Variants in PARP1 observed in about 807,000 individuals in gnomAD.
PARP1 encodes poly [ADP-ribose] polymerase 1.
A neutral mutation model predicts 118.7 loss-of-function variants in PARP1; 44 were observed. The ratio of observed to expected loss-of-function variants is 0.37; its 90% CI spans 0.29 to 0.48. The LOEUF is 0.48. PARP1 is among the 20% of genes least tolerant of loss of function. The pLI, the probability that PARP1 is intolerant of heterozygous loss-of-function variation, is 0.99. For missense variants in PARP1, 1,100 were observed against 1,272.4 expected, an observed-to-expected ratio of 0.86 and a Z score of 2.06; for synonymous variants, 492 against 483.2, an observed-to-expected ratio of 1.02 and a Z score of -0.24.
rs758597547 is a variant in PARP1, at chr1:226,361,535, A to G, written c.2970T>C (p.Ile990=). 8.1e-6 allele frequency: 13 copies of G among 1,609,242 alleles called. No individual in the cohort carries two copies. The highest frequency in any genetic ancestry group is 1.1e-5 in the Non-Finnish European group (13 of 1,175,680). Residue 990 remains isoleucine, a synonymous_variant, in exon 23 of 23, where the codon ATT becomes ATC. Coordinates refer to ENST00000366794, the MANE Select transcript of PARP1 (RefSeq NM_001618.4). ...NDTSLLYNEY[I]VYDIAQVNLK... is the part of the protein sequence containing the mutation. ...GATTTACCTGAGCAATATCATAGAC[A>G]ATGTACCTGAGGGGAAGCTTGTTAA...
At chr1:226,374,465 C>A in intron 13 of PARP1, 111 bp from the exon 14 acceptor site, 1 of 1,261,706 alleles carries the variant, frequency 7.9e-7, no homozygotes, top group African/African-American at 1.5e-5. Context: ...GTGCCACCAG[C>A]AAAAAAAGCT....
intron 21 of PARP1, 125 bp from the exon 22 acceptor site, chr1:226,362,208 G>A (rs1465475443): frequency 6.0e-6 from 4 of 667,750 alleles, no homozygotes; most frequent in African/African-American, 3.7e-5. Flanking sequence ...TCCTTTTTGA[G>A]ATGGAGTCTC....
chr1:226,390,546 C>G lies in PARP1; in HGVS notation c.481G>C (p.Gly161Arg). 1 of 1,614,248 alleles carries G rather than the reference C, an allele frequency of 6.2e-7. No homozygotes were observed. Among genetic ancestry groups the G allele is most frequent in the Non-Finnish European group, 8.5e-7 (1 of 1,180,052 alleles). The change falls in exon 4 of 23, where the codon GGC becomes CGC. Residue 161 changes from glycine to arginine, a missense_variant. Coordinates refer to ENST00000366794, the MANE Select transcript of PARP1 (RefSeq NM_001618.4). ...TCCTCCCTGTTCTTGACAAAGCAGC[C>G]TGGATGGTACCAGCGGTCAATCATG... The part of the protein sequence containing the change: ...LGMIDRWYHP[G>R]CFVKNREELG...
At chr1:226,374,455 G>A in intron 13 of PARP1, 101 bp from the exon 14 acceptor site, 4 of 1,402,932 alleles carry the variant, frequency 2.9e-6, no homozygotes, top group Non-Finnish European at 3.0e-6. Context: ...ACAGGCTAGA[G>A]TGCCACCAGC....
chr1:226,370,766 C>T, intron 14 of PARP1: 1 of 555,086 alleles, frequency 1.8e-6, no homozygotes, highest in Non-Finnish European at 3.3e-6. Context: ...TCTCCTCTGC[C>T]CCTATGCCCA....
chr1:226,361,240 AAAAACAACCCC>A lies in PARP1; in HGVS notation c.*209_*219del, dbSNP rs1664129091. The stretch of plus-strand genomic sequence containing the variant: ...TTTTATCTACCTGGCAAGAAAAAAC[AAAAACAACCCC>A]AAAACAACCCCTCCCCACAGACACA... On this transcript the variant is annotated 3_prime_UTR_variant, in exon 23 of 23. Coordinates refer to ENST00000366794, the MANE Select transcript of PARP1 (RefSeq NM_001618.4). 5.0e-6 allele frequency: 3 copies of A among 601,756 alleles called. No homozygotes were observed. Among genetic ancestry groups the A allele is most frequent in the South Asian group, 2.0e-5 (1 of 50,228 alleles). 37.3% of individuals were successfully genotyped at this position (601,756 alleles called of 1,614,324 possible). A position where few individuals can be genotyped will look rare whatever the true frequency, so the allele number is the denominator to read the frequency against.
At chr1:226,400,619 G>A (rs567714951) in intron 2 of PARP1, among the ~76,000 whole-genome samples, 1 of 152,282 alleles carries the variant, frequency 6.6e-6, no homozygotes, top group South Asian at 2.1e-4. Flanking sequence ...GACCACCACA[G>A]TAACAAACAC....
chr1:226,374,952 C>T (rs1019641875), intron 13 of PARP1, among the ~76,000 whole-genome samples: 1 of 152,214 alleles, frequency 6.6e-6, no homozygotes, highest in East Asian at 1.9e-4. Context: ...ACTCCACCCC[C>T]CACTGTCTGA....
intron 8 of PARP1, 124 bp from the exon 9 acceptor site, chr1:226,381,332 G>T: frequency 9.1e-7 from 1 of 1,099,578 alleles, no homozygotes; most frequent in Non-Finnish European, 1.4e-6. Flanking sequence ...AAATACACTC[G>T]CGAGAAAACA....
At chr1:226,383,230 T>A in intron 7 of PARP1, 47 bp from the exon 8 acceptor site, 1 of 1,508,680 alleles carries the variant, frequency 6.6e-7, no homozygotes, top group Middle Eastern at 2.0e-4. Context: ...TCCCTTGAGG[T>A]AACCACCCCA....
At chr1:226,372,343 G>A (rs1576393082) in intron 14 of PARP1, among the ~76,000 whole-genome samples, 1 of 152,296 alleles carries the variant, frequency 6.6e-6, no homozygotes, top group Non-Finnish European at 1.5e-5. Flanking sequence ...TTTTCTTCCT[G>A]CTAAACTAGT....
chr1:226,395,493 A>C (rs1337080369), intron 2 of PARP1, among the ~76,000 whole-genome samples: 1 of 151,960 alleles, frequency 6.6e-6, no homozygotes, highest in Non-Finnish European at 1.5e-5. Context: ...AAATACAAAA[A>C]ATTTAGGTGG....
intron 17 of PARP1, chr1:226,367,247 G>C: frequency 1.8e-6 from 1 of 566,132 alleles, no homozygotes; most frequent in Non-Finnish European, 3.2e-6. Context: ...TGAGGTGCTG[G>C]CTTGGAAGGC....
rs113258217 is a variant in PARP1 at position 226,390,486 on chromosome 1, G to A, written c.541C>T (p.Leu181Phe). ...GTAGCAAGGAGGCTGAAGCCCTTGA[G>A]CTGACTCGCACTGTACTCGGGCCGG... is the stretch of plus-strand genomic sequence containing the variant. ...GFRPEYSASQ[L>F]KGFSLLATED... The change falls in exon 4 of 23, where the codon CTC (leucine) becomes TTC (phenylalanine). Residue 181 changes from leucine to phenylalanine, a missense_variant. By Grantham distance (22) the Leu-to-Phe change is conservative. Coordinates refer to ENST00000366794, the MANE Select transcript of PARP1 (RefSeq NM_001618.4). 2.6e-5 allele frequency: 42 copies of A among 1,614,162 alleles called. 1 individual carries two copies. In the African/African-American group the frequency reaches 2.9e-4, roughly 11 times the overall value.
intron 3 of PARP1, 97 bp downstream of exon 3, chr1:226,392,087 TACGTTGAGCTAGCAC>T (rs201956818): frequency 0.019 from 15,633 of 811,466 alleles, 288 homozygotes; most frequent in Non-Finnish European, 0.022. Context: ...TTTAATCACT[TACGTTGAGCTAGCAC>T]CCTAAAGCCC....
At chr1:226,364,200 C>G in intron 19 of PARP1, 130 bp from the exon 20 acceptor site, 1 of 884,998 alleles carries the variant, frequency 1.1e-6, no homozygotes, top group Non-Finnish European at 1.9e-6. Context: ...TCTCACAATG[C>G]CCATGGTGAG....
intron 17 of PARP1, chr1:226,366,912 TAGG>T: frequency 5.5e-6 from 1 of 182,986 alleles, no homozygotes; most frequent in Non-Finnish European, 1.2e-5. Flanking sequence ...AGTGTGGAGA[TAGG>T]CTCAAGGACC....
At position 226,385,766 on chromosome 1, in the gene PARP1, C is replaced by T. The variant is rs1239012756; in HGVS notation, c.835-86G>A. 4 of 1,192,658 alleles carry T rather than the reference C, an allele frequency of 3.4e-6. No individual in the cohort carries two copies. The South Asian group carries it at 3.7e-5, about 11-fold the overall frequency. 73.9% of individuals were successfully genotyped at this position (1,192,658 alleles called of 1,614,324 possible). A position where few individuals can be genotyped will look rare whatever the true frequency, so the allele number is the denominator to read the frequency against. On this transcript the variant is annotated intron_variant, in intron 6 of 22. Transcript: ENST00000366794. The stretch of plus-strand genomic sequence containing the variant: ...CTAATGTGGGATGGAGGAACTTGCA[C>T]AGATTCCACTCACTACAAAGAAGAG...
At position 226,361,894 on chromosome 1, in the gene PARP1, T is replaced by C. The variant is rs1576388967; in HGVS notation, c.2963+75A>G. On this transcript the variant is annotated intron_variant, in intron 22 of 22. Coordinates refer to ENST00000366794, the MANE Select transcript of PARP1 (RefSeq NM_001618.4). ...TCTAATCCTTGTCTGCCCCAGGTAA[T>C]CTGACAGCACATAAGTGACTCTGTA... 3 of 894,878 alleles carry C rather than the reference T, an allele frequency of 3.4e-6. No homozygotes were observed. The East Asian group carries it at 7.4e-5, about 22-fold the overall frequency. 55.4% of individuals were successfully genotyped at this position (894,878 alleles called of 1,614,324 possible).
Sources: allele counts gnomAD v4.1 joint callset (sites outside exome capture counted in the v4.1 genomes callset), GRCh38; gene constraint gnomAD v4.1.1; transcripts MANE v1.5; gene names NCBI Gene and HGNC (gene_info 2026-07-23, HGNC 2026-07-21).